Variants in ATP8A2 observed in about 807,000 individuals in gnomAD.
ATP8A2 encodes the protein ATPase phospholipid transporting 8A2, also known as phospholipid-transporting ATPase IB.
In ATP8A2, 100 loss-of-function variants were observed where a neutral mutation model predicts 165.6. The ratio of observed to expected loss-of-function variants is 0.60; its 90% CI spans 0.51 to 0.71. The LOEUF (loss-of-function observed/expected upper bound fraction) is 0.71, where lower values mean the gene tolerates loss of function less well. ATP8A2 is among the 30% of genes least tolerant of loss of function. The pLI is 0.00. For missense variants in ATP8A2, 1,227 were observed against 1,479.5 expected (o/e 0.83, Z 2.80); for synonymous variants, 543 against 548.8 (o/e 0.99, Z 0.15).
At chr13:25,574,718 C>CATAT in intron 18 of ATP8A2, 90 bp from the exon 19 acceptor site, 1 of 789,930 alleles carries the variant, frequency 1.3e-6, no homozygotes, top group Non-Finnish European at 2.3e-6. Context: ...AGAGAGAGAG[C>CATAT]ATATATATGT....
At chr13:25,382,064 C>G (rs1233027705) in intron 1 of ATP8A2, among the ~76,000 whole-genome samples, 1 of 152,150 alleles carries the variant, frequency 6.6e-6, no homozygotes, top group African/African-American at 2.4e-5. Context: ...CCTAAAAATC[C>G]CCTGTGCTCC....
Position 25,601,780 on chromosome 13 carries a change from G to A in ATP8A2, c.2211+12081G>A, listed in dbSNP as rs531183915. On this transcript the variant is annotated intron_variant, in intron 24 of 36. Coordinates refer to ENST00000381655, the MANE Select transcript of ATP8A2 (RefSeq NM_016529.6). Reference sequence around the variant, plus strand: ...CCACTGCGCCCGGCCAGAAATGCTTGTATTGTTAACGTGATTTTTTATTAC... The same window carrying A: ...CCACTGCGCCCGGCCAGAAATGCTTATATTGTTAACGTGATTTTTTATTAC... Among the ~76,000 whole-genome samples, 9 of 152,200 alleles carry A rather than the reference G, an allele frequency of 5.9e-5. No homozygotes were observed. In the South Asian group the frequency reaches 1.9e-3, roughly 32 times the overall value.
rs77762690 is a variant in ATP8A2, at chr13:25,722,819, G to C, written c.2384+23474G>C. Among the ~76,000 whole-genome samples, 3,118 of 152,118 alleles carry C rather than the reference G, an allele frequency of 0.02. 202 individuals are homozygous for C. The East Asian group carries it at 0.24, about 12-fold the overall frequency. ...CATATCCTCCTTTCTATCCCACAAA[G>C]GTAACTAATTTTATTAATTTTATCA... is the stretch of plus-strand genomic sequence containing the variant. On this transcript the variant is annotated intron_variant, in intron 25 of 36. Coordinates refer to ENST00000381655, the MANE Select transcript of ATP8A2 (RefSeq NM_016529.6).
chr13:25,547,391 G>C (rs985897236), intron 10 of ATP8A2, among the ~76,000 whole-genome samples: 7 of 151,882 alleles, frequency 4.6e-5, no homozygotes, highest in African/African-American at 1.7e-4. Context: ...ATCAGCGGTG[G>C]CATTAGATTC....
intron 25 of ATP8A2, among the ~76,000 whole-genome samples, chr13:25,730,290 TCAA>T (rs540875631): frequency 2.4e-4 from 37 of 152,196 alleles, no homozygotes; most frequent in South Asian, 8.3e-4. Context: ...AGACCCTGTC[TCAA>T]CAACAACAAC....
intron 5 of ATP8A2, among the ~76,000 whole-genome samples, chr13:25,533,069 A>G (rs953116763): frequency 1.1e-4 from 16 of 152,242 alleles, no homozygotes; most frequent in Non-Finnish European, 2.4e-4. Context: ...ATGTGTATGC[A>G]TGAATGTATA....
chr13:25,471,141 G>A (rs573783621), intron 2 of ATP8A2, among the ~76,000 whole-genome samples: 1 of 152,222 alleles, frequency 6.6e-6, no homozygotes, highest in South Asian at 2.1e-4. Flanking sequence ...TCAAAAAGAT[G>A]ATTTTCTAAA....
chr13:25,711,245 C>T (rs1376444928), intron 25 of ATP8A2, among the ~76,000 whole-genome samples: 1 of 152,126 alleles, frequency 6.6e-6, no homozygotes, highest in Non-Finnish European at 1.5e-5. Flanking sequence ...CCTCAAGACA[C>T]CAGCCCTCCT....
chr13:25,787,923 G>T (rs1423602365), intron 27 of ATP8A2, among the ~76,000 whole-genome samples: 3 of 152,236 alleles, frequency 2.0e-5, no homozygotes, highest in Admixed American at 2.0e-4. Flanking sequence ...GAAGACGGAG[G>T]AGTTGGCCTG....
chr13:25,827,112 G>A (rs1951340758), intron 27 of ATP8A2, among the ~76,000 whole-genome samples: 1 of 151,728 alleles, frequency 6.6e-6, no homozygotes, highest in Non-Finnish European at 1.5e-5. Flanking sequence ...TGTTTGTTTT[G>A]GTTTTTATTT....
intron 24 of ATP8A2, among the ~76,000 whole-genome samples, chr13:25,638,058 A>G (rs1326421500): frequency 1.3e-5 from 2 of 152,220 alleles, no homozygotes; most frequent in African/African-American, 4.8e-5. Context: ...TGACTGTTAG[A>G]AGGAAAACTA....
intron 1 of ATP8A2, among the ~76,000 whole-genome samples, chr13:25,385,375 G>A (rs1055183409): frequency 1.3e-5 from 2 of 152,080 alleles, no homozygotes; most frequent in Non-Finnish European, 2.9e-5. Flanking sequence ...TACCTAATTC[G>A]CTCAGCCTCA....
chr13:25,960,543 C>T (rs1334408965), intron 33 of ATP8A2, among the ~76,000 whole-genome samples: 1 of 152,152 alleles, frequency 6.6e-6, no homozygotes, highest in Non-Finnish European at 1.5e-5. Context: ...CCGGTGAACA[C>T]GGAGGGTTTG....
chr13:25,799,777 A>T (rs1319118422), intron 27 of ATP8A2, among the ~76,000 whole-genome samples: 1 of 152,218 alleles, frequency 6.6e-6, no homozygotes, highest in African/African-American at 2.4e-5. Context: ...TGCTGATGGC[A>T]GATGAAGCTG....
intron 34 of ATP8A2, among the ~76,000 whole-genome samples, chr13:25,962,902 C>CT (rs1260663727): frequency 1.3e-5 from 2 of 151,120 alleles, no homozygotes; most frequent in South Asian, 2.1e-4. Flanking sequence ...CATGGATTTT[C>CT]TTTTTTTTTC....
intron 25 of ATP8A2, among the ~76,000 whole-genome samples, chr13:25,723,783 C>T (rs1394353812): frequency 6.6e-6 from 1 of 152,018 alleles, no homozygotes; most frequent in African/African-American, 2.4e-5. Context: ...CCCGAGACTG[C>T]AGCTGGAATG....
At chr13:25,587,398 G>C (rs758515500) in intron 23 of ATP8A2, among the ~76,000 whole-genome samples, 3 of 151,838 alleles carry the variant, frequency 2.0e-5, no homozygotes, top group Non-Finnish European at 4.4e-5. Flanking sequence ...ATTCATGAAA[G>C]TGTCAGTAGT....
At chr13:25,508,794 C>T (rs2037130799) in intron 2 of ATP8A2, among the ~76,000 whole-genome samples, 1 of 152,230 alleles carries the variant, frequency 6.6e-6, no homozygotes, top group Non-Finnish European at 1.5e-5. Flanking sequence ...AGAATGTCTG[C>T]CCCAGGGCCC....
At chr13:25,499,179 C>T (rs1326413463) in intron 2 of ATP8A2, among the ~76,000 whole-genome samples, 1 of 152,172 alleles carries the variant, frequency 6.6e-6, no homozygotes, top group Non-Finnish European at 1.5e-5. Flanking sequence ...GGCCCAGACC[C>T]TAGTGTATAG....
Sources: allele counts gnomAD v4.1 joint callset (sites outside exome capture counted in the v4.1 genomes callset), GRCh38; gene constraint gnomAD v4.1.1; transcripts MANE v1.5; gene names NCBI Gene and HGNC (gene_info 2026-07-23, HGNC 2026-07-21).